ATAD2B: variants seen among roughly 807,000 people sequenced by gnomAD.
ATAD2B encodes ATPase family AAA domain-containing protein 2B.
In ATAD2B, 40 loss-of-function variants were observed where a neutral mutation model predicts 167.6. The observed-to-expected ratio is 0.24, with a 90% CI of 0.19 to 0.31. The LOEUF (loss-of-function observed/expected upper bound fraction) is 0.31. Among genes scored for constraint, ATAD2B ranks in the 10% least tolerant of loss-of-function variants. ATAD2B has a pLI of 1.00. For synonymous variants in ATAD2B, 579 were observed against 596.5 expected (o/e 0.97, Z 0.43); for missense variants, 1,242 against 1,757.2 (o/e 0.71, Z 5.24).
intron 25 of ATAD2B, among the ~76,000 whole-genome samples, chr2:23,756,966 G>C (rs1211524226): frequency 6.6e-6 from 1 of 152,142 alleles, no homozygotes; most frequent in African/African-American, 2.4e-5. Context: ...TAATGAACAA[G>C]AGTGGTAATT....
chr2:23,890,241 A>G (rs558029931), intron 2 of ATAD2B, among the ~76,000 whole-genome samples: 1 of 152,176 alleles, frequency 6.6e-6, no homozygotes, highest in Admixed American at 6.5e-5. Context: ...AATAAATAAC[A>G]AAAAACAAAA....
intron 15 of ATAD2B, among the ~76,000 whole-genome samples, chr2:23,826,396 G>A (rs139536550): frequency 6.6e-6 from 1 of 152,068 alleles, no homozygotes; most frequent in African/African-American, 2.4e-5. Context: ...GATCATTCTA[G>A]TAATACTGAA....
chr2:23,795,962 G>C (rs1682552708), intron 19 of ATAD2B, among the ~76,000 whole-genome samples: 1 of 151,812 alleles, frequency 6.6e-6, no homozygotes, highest in South Asian at 2.1e-4. Flanking sequence ...AGCTGGACAT[G>C]GTGGCTCACA....
At chr2:23,857,811 G>A (rs1016965490) in intron 12 of ATAD2B, among the ~76,000 whole-genome samples, 2 of 143,722 alleles carry the variant, frequency 1.4e-5, no homozygotes, top group African/African-American at 2.6e-5. Context: ...GCACGATCTC[G>A]GCTCACTACA....
chr2:23,754,858 C>T, intron 25 of ATAD2B, 84 bp from the exon 26 acceptor site: 3 of 1,343,842 alleles, frequency 2.2e-6, no homozygotes, highest in Non-Finnish European at 2.0e-6. Flanking sequence ...CTTTTACCTA[C>T]CACACAAATC....
chr2:23,768,591 T>C (rs1677809339), intron 22 of ATAD2B, among the ~76,000 whole-genome samples: 1 of 151,152 alleles, frequency 6.6e-6, no homozygotes, highest in Non-Finnish European at 1.5e-5. Context: ...AAAAAGACAA[T>C]GAGCATATCT....
chr2:23,696,008 G>A, the ATAD2B span: 32 of 1,551,570 alleles, frequency 2.1e-5, no homozygotes, highest in African/African-American at 4.1e-5. This position sits in a 1 kb window ranked among gnomAD's most constrained non-coding sequence, Gnocchi z 5.5. Flanking sequence ...ATGACCCAGC[G>A]CTCGCTGGTG....
At chr2:23,890,784 T>C (rs535610210) in intron 2 of ATAD2B, among the ~76,000 whole-genome samples, 30 of 152,216 alleles carry the variant, frequency 2.0e-4, no homozygotes, top group African/African-American at 3.9e-4. Context: ...GGTAACATCA[T>C]TGGGGAAAAA....
chr2:23,696,040 C>T, the ATAD2B span: 1 of 1,551,788 alleles, frequency 6.4e-7, no homozygotes, highest in Non-Finnish European at 8.7e-7. The surrounding 1 kb of genome is among the most constrained non-coding windows in gnomAD (Gnocchi z 5.5). Context: ...CTGGAACCCG[C>T]AGAACAACAA....
chr2:23,835,900 T>TA (rs1252336554), intron 13 of ATAD2B, among the ~76,000 whole-genome samples: 4 of 151,444 alleles, frequency 2.6e-5, no homozygotes, highest in Non-Finnish European at 5.9e-5. Flanking sequence ...CGCACCATTG[T>TA]ACTCCAGACT....
At chr2:23,852,416 C>T (rs1692714196) in intron 13 of ATAD2B, among the ~76,000 whole-genome samples, 1 of 152,126 alleles carries the variant, frequency 6.6e-6, no homozygotes, top group African/African-American at 2.4e-5. Context: ...TGCACCATCA[C>T]ACCCAGTGTA....
intron 14 of ATAD2B, chr2:23,832,269 A>C (rs1224054406): frequency 1.3e-5 from 6 of 467,484 alleles, no homozygotes; most frequent in Non-Finnish European, 2.2e-5. Context: ...GGACCTTAAA[A>C]ACTATTTAAG....
At chr2:23,875,969 A>T in intron 7 of ATAD2B, 65 bp from the exon 8 acceptor site, 1 of 1,193,142 alleles carries the variant, frequency 8.4e-7, no homozygotes, top group Non-Finnish European at 1.2e-6. Context: ...GTATTAAAGG[A>T]GTAGAAATGA....
In ATAD2B at chr2:23,788,661, C is replaced by T. The variant is rs1298696778; in HGVS notation, c.2641-14G>A. ...GATACATTTAACCTACACATATACACACACACAAAGACATTAAATATATAA... is the reference window on the plus strand; with the variant it reads ...GATACATTTAACCTACACATATACATACACACAAAGACATTAAATATATAA... On this transcript the variant is annotated splice_polypyrimidine_tract_variant and intron_variant, in intron 19 of 27. Transcript: ENST00000238789. The T allele has an allele frequency of 3.9e-6, 6 of 1,558,258 alleles. No individual in the cohort carries two copies. The Admixed American group carries it at 8.8e-5, about 23-fold the overall frequency.
chr2:23,899,367 T>C (rs949192581), intron 1 of ATAD2B, among the ~76,000 whole-genome samples: 2 of 148,506 alleles, frequency 1.3e-5, no homozygotes, highest in South Asian at 2.1e-4. Flanking sequence ...GAAAAAATAA[T>C]TGAAATTCAA....
Position 23,750,118 on chromosome 2 carries a change from T to C in ATAD2B, c.*1928A>G, listed in dbSNP as rs1027874833. 6.6e-6 allele frequency: 1 copy of C among 152,110 alleles called. No individual in the cohort carries two copies. The highest frequency in any genetic ancestry group is 1.9e-4 in the East Asian group (1 of 5,196). 9.4% of individuals were successfully genotyped at this position (152,110 alleles called of 1,614,324 possible). ...TTTGAATCGGTATGATGGTAATAAATACTAAAGAAAGCATGAAAATCCTCC... is the reference window on the plus strand; with the variant it reads ...TTTGAATCGGTATGATGGTAATAAACACTAAAGAAAGCATGAAAATCCTCC... On this transcript the variant is annotated 3_prime_UTR_variant, in exon 28 of 28. Coordinates refer to ENST00000238789, the MANE Select transcript of ATAD2B (RefSeq NM_017552.4).
chr2:23,765,682 C>A, intron 22 of ATAD2B, 54 bp from the exon 23 acceptor site: 1 of 1,117,116 alleles, frequency 9.0e-7, no homozygotes, highest in Non-Finnish European at 1.2e-6. Flanking sequence ...ATAACATTAA[C>A]AAAGGACATC....
At chr2:23,863,867 A>T (rs1253753742) in intron 11 of ATAD2B, among the ~76,000 whole-genome samples, 3 of 152,212 alleles carry the variant, frequency 2.0e-5, no homozygotes, top group African/African-American at 7.2e-5. Context: ...AAGGAATGAT[A>T]GATAGATTCA....
chr2:23,751,920 G>A lies in ATAD2B; in HGVS notation c.*126C>T. The A allele has an allele frequency of 1.3e-6, 1 of 765,778 alleles. No homozygotes were observed. The highest frequency in any genetic ancestry group is 1.8e-5 in the South Asian group (1 of 56,162). The allele number at this position is 765,778 out of a possible 1,614,324, so 47.4% of individuals were successfully genotyped here. On this transcript the variant is annotated 3_prime_UTR_variant, in exon 28 of 28. Coordinates refer to ENST00000238789, the MANE Select transcript of ATAD2B (RefSeq NM_017552.4). ...TAGCACCAAATTCAACAGAGAGAAAGAATGAGTGAGAGAGCACTTTACACC... is the reference window on the plus strand; with the variant it reads ...TAGCACCAAATTCAACAGAGAGAAAAAATGAGTGAGAGAGCACTTTACACC...
Sources: gnomAD v4.1 joint callset for allele counts (sites outside exome capture counted in the v4.1 genomes callset) on GRCh38, gnomAD v4.1.1 for gene constraint, Gnocchi (gnomAD v3.1) non-coding constraint, MANE v1.5 for transcripts, NCBI Gene and HGNC (gene_info 2026-07-23, HGNC 2026-07-21) for gene names.